EFHC1: variants seen among roughly 807,000 people sequenced by gnomAD.
EFHC1 encodes the protein EF-hand domain containing 1.
In EFHC1, 53 loss-of-function variants were observed where a neutral mutation model predicts 69.9. The observed-to-expected ratio is 0.76, with a 90% confidence interval of 0.61 to 0.95. The LOEUF is 0.95. EFHC1 is among the 40% of genes least tolerant of loss of function. The pLI is 0.00. For missense variants in EFHC1, 739 were observed against 798.7 expected (o/e 0.93, Z 0.90); for synonymous variants, 256 against 278.4 (o/e 0.92, Z 0.80).
At chr6:52,461,468 C>T (rs1037273854) in intron 5 of EFHC1, among the ~76,000 whole-genome samples, 8 of 152,056 alleles carry the variant, frequency 5.3e-5, no homozygotes, top group Admixed American at 2.0e-4. Flanking sequence ...TTCAATCTGT[C>T]ATTGATGGGC....
Position 52,471,922 on chromosome 6 carries a change from T to A in EFHC1, c.1278+2449T>A, listed in dbSNP as rs183574515. Among the ~76,000 whole-genome samples, 1,032 of 151,314 alleles carry A rather than the reference T, an allele frequency of 6.8e-3. 11 individuals carry two copies. Among genetic ancestry groups the A allele is most frequent in the Middle Eastern group, 0.041 (12 of 294 alleles). On this transcript the variant is annotated intron_variant, in intron 7 of 10. Coordinates refer to ENST00000371068, the MANE Select transcript of EFHC1 (RefSeq NM_018100.4). ...ATAATAAAATTAAAAAAAAAATTTT[T>A]AAAAACCTTTGTTTACCATGTTTAA...
chr6:52,422,648 A>G (rs749258273), intron 1 of EFHC1, among the ~76,000 whole-genome samples: 49 of 152,248 alleles, frequency 3.2e-4, no homozygotes, highest in Admixed American at 9.2e-4. Context: ...TATATATTTG[A>G]ATATTATAGA....
intron 6 of EFHC1, among the ~76,000 whole-genome samples, chr6:52,468,070 A>G (rs949200209): frequency 6.6e-6 from 1 of 152,218 alleles, no homozygotes; most frequent in Non-Finnish European, 1.5e-5. Context: ...CATAAATGCA[A>G]TAGCCAGATG....
chr6:52,430,140 T>C (rs1484988397), intron 2 of EFHC1: 1 of 152,198 alleles, frequency 6.6e-6, no homozygotes, highest in Non-Finnish European at 1.5e-5. Flanking sequence ...AGGTAAACAA[T>C]CATATCATCA....
chr6:52,421,068 G>A, intron 1 of EFHC1: 1 of 991,414 alleles, frequency 1.0e-6, no homozygotes, highest in Admixed American at 5.6e-5. Flanking sequence ...CTTTCCGCCA[G>A]GTCTTTTTCC....
chr6:52,453,017 A>G (rs903671355), intron 4 of EFHC1, 180 bp downstream of exon 4: 3 of 1,536,538 alleles, frequency 2.0e-6, no homozygotes, highest in East Asian at 4.9e-5. Context: ...AGGAATGCCT[A>G]CATTTCATAT....
intron 2 of EFHC1, among the ~76,000 whole-genome samples, chr6:52,432,150 G>A (rs1009694937): frequency 7.2e-5 from 11 of 152,034 alleles, no homozygotes; most frequent in African/African-American, 2.7e-4. Flanking sequence ...TCCATTCTGC[G>A]ATTCTGTATC....
intron 2 of EFHC1, among the ~76,000 whole-genome samples, chr6:52,434,051 T>G (rs1447438989): frequency 6.6e-6 from 1 of 151,626 alleles, no homozygotes; most frequent in Non-Finnish European, 1.5e-5. Flanking sequence ...CAGCACCAAG[T>G]CTGTTTCCAG....
rs3789772 is a variant in EFHC1 at position 52,495,485 on chromosome 6, T to A, written c.*3144T>A. 0.67 allele frequency: 302,480 copies of A among 453,956 alleles called. 101,978 individuals carry two copies. The highest frequency in any genetic ancestry group is 0.75 in the African/African-American group (37,379 of 50,052). The allele number at this position is 453,956 out of a possible 1,614,324, so 28.1% of individuals were successfully genotyped here. On this transcript the variant is annotated 3_prime_UTR_variant, in exon 11 of 11. Transcript: ENST00000371068. Reference sequence around the variant, plus strand: ...CGGCAGCAAATCTGCAACATATGGATATATTTGCCAATTTTTGTCCTCAGC... The same window carrying A: ...CGGCAGCAAATCTGCAACATATGGAAATATTTGCCAATTTTTGTCCTCAGC...
At chr6:52,439,018 G>C (rs1253251399) in intron 3 of EFHC1, among the ~76,000 whole-genome samples, 1 of 151,894 alleles carries the variant, frequency 6.6e-6, no homozygotes, top group Non-Finnish European at 1.5e-5. Context: ...ATATATTTTT[G>C]GTAAATGATA....
intron 5 of EFHC1, among the ~76,000 whole-genome samples, chr6:52,459,259 A>T (rs763393958): frequency 6.6e-6 from 1 of 152,232 alleles, no homozygotes; most frequent in Non-Finnish European, 1.5e-5. Flanking sequence ...GCTTTTCAAA[A>T]GACACTGTTA....
At chr6:52,421,145 G>A in intron 1 of EFHC1, 1 of 723,954 alleles carries the variant, frequency 1.4e-6, no homozygotes, top group Non-Finnish European at 1.7e-6. Context: ...CCACAATTTA[G>A]TCCCATCCTC....
intron 2 of EFHC1, among the ~76,000 whole-genome samples, chr6:52,428,959 T>C (rs2113970900): frequency 6.6e-6 from 1 of 152,368 alleles, no homozygotes; most frequent in Middle Eastern, 3.4e-3. Context: ...TTGAACATTT[T>C]TTCATATGTT....
intron 5 of EFHC1, among the ~76,000 whole-genome samples, chr6:52,464,405 C>T (rs1342665409): frequency 6.6e-6 from 1 of 152,142 alleles, no homozygotes; most frequent in Non-Finnish European, 1.5e-5. Context: ...AGAATATTTT[C>T]TCCATGAAGT....
At chr6:52,469,603 A>C in intron 7 of EFHC1, 130 bp downstream of exon 7, 1 of 1,329,782 alleles carries the variant, frequency 7.5e-7, no homozygotes, top group Non-Finnish European at 1.1e-6. Flanking sequence ...CATTGTATCT[A>C]GTACCCAGCC....
chr6:52,420,344 T>C lies in EFHC1; in HGVS notation c.-67T>C, dbSNP rs774539383. On this transcript the variant is annotated 5_prime_UTR_variant, in exon 1 of 11. Transcript: ENST00000371068. ...GGATCCTGGAGGTGCCCGCGAACAC[T>C]GCTTGTCGCCTGGGCAACCGGAGAG... The C allele has an allele frequency of 3.1e-6, 5 of 1,603,704 alleles. No homozygotes were observed. In the South Asian group the frequency reaches 4.4e-5, roughly 14 times the overall value.
rs1023125244 is a variant in EFHC1 at position 52,494,344 on chromosome 6, T to G, written c.*2003T>G. 4 of 454,136 alleles carry G rather than the reference T, an allele frequency of 8.8e-6. No homozygotes were observed. Among genetic ancestry groups the G allele is most frequent in the Non-Finnish European group, 1.8e-5 (4 of 226,798 alleles). The allele number at this position is 454,136 out of a possible 1,614,324, so 28.1% of individuals were successfully genotyped here. A position where few individuals can be genotyped will look rare whatever the true frequency, so the allele number is the denominator to read the frequency against. On this transcript the variant is annotated 3_prime_UTR_variant, in exon 11 of 11. Coordinates refer to ENST00000371068, the MANE Select transcript of EFHC1 (RefSeq NM_018100.4). The stretch of plus-strand genomic sequence containing the variant: ...GCTTAGAAGCCTGTGGTAAAGAGTG[T>G]GTGTATACTGGGGTGATGATAGTGG...
chr6:52,464,227 C>G (rs929465722), intron 5 of EFHC1, among the ~76,000 whole-genome samples: 12 of 152,190 alleles, frequency 7.9e-5, no homozygotes, highest in Non-Finnish European at 1.5e-4. Flanking sequence ...AAGATTGATT[C>G]TACATTTGGA....
chr6:52,452,691 T>C lies in EFHC1; in HGVS notation c.577T>C (p.Phe193Leu). ...VVDCDQFTQV[F>L]LESQGIELNP... ...TTGTTAACTTTCAATTATTTAGGTATTTTTAGAAAGCCAAGGAATTGAGTT... is the reference window on the plus strand; with the variant it reads ...TTGTTAACTTTCAATTATTTAGGTACTTTTAGAAAGCCAAGGAATTGAGTT... Residue 193 changes from phenylalanine (F) to leucine (L), a missense_variant, in exon 4 of 11, where the codon TTT becomes CTT. Transcript: ENST00000371068. 1 of 1,614,128 alleles carries C rather than the reference T, an allele frequency of 6.2e-7. No individual in the cohort carries two copies.
Sources: allele counts gnomAD v4.1 joint callset (sites outside exome capture counted in the v4.1 genomes callset), GRCh38; gene constraint gnomAD v4.1.1; transcripts MANE v1.5; gene names NCBI Gene and HGNC (gene_info 2026-07-23, HGNC 2026-07-21).